SYN2: variants seen among roughly 807,000 people sequenced by gnomAD.
SYN2 encodes the protein synapsin-2.
SYN2 carries 19 observed loss-of-function variants against 50.9 expected under a neutral mutation model. That is an observed-to-expected ratio of 0.37 (90% CI 0.26 to 0.55). SYN2 has a LOEUF of 0.55. SYN2 is among the 20% of genes least tolerant of loss of function. The pLI, the probability that SYN2 is intolerant of heterozygous loss-of-function variation, is 0.81. For synonymous variants in SYN2, 255 were observed against 224.9 expected, an observed-to-expected ratio of 1.13 and a Z score of -1.20; for missense variants, 587 against 576.4, an observed-to-expected ratio of 1.02 and a Z score of -0.19.
intron 1 of SYN2, among the ~76,000 whole-genome samples, chr3:12,088,030 C>G (rs1268768464): frequency 6.6e-6 from 1 of 151,970 alleles, no homozygotes; most frequent in Non-Finnish European, 1.5e-5. Context: ...GGACAGGACC[C>G]CAGAAGCGCA....
Position 12,092,398 on chromosome 3 carries a change from TG to T in SYN2, c.378-48252del, listed in dbSNP as rs550000957. On this transcript the variant is annotated intron_variant, in intron 1 of 12. Coordinates refer to ENST00000621198, the MANE Select transcript of SYN2 (RefSeq NM_133625.6). Reference sequence around the variant, plus strand: ...AGCTCATTCTAGTAGGGAATACAAATGAGAGCAATTAACCTCTCATCTGTGA... The same window carrying T: ...AGCTCATTCTAGTAGGGAATACAAATAGAGCAATTAACCTCTCATCTGTGA... Among the ~76,000 whole-genome samples, 19 of 152,242 alleles carry T rather than the reference TG, an allele frequency of 1.2e-4. No homozygotes were observed. The South Asian group carries it at 3.1e-3, about 25-fold the overall frequency.
rs1698435911 is a variant in SYN2 at position 12,191,072 on chromosome 3, T to C, written c.*447T>C. 2.0e-6 allele frequency: 2 copies of C among 986,926 alleles called. No homozygotes were observed. Among genetic ancestry groups the C allele is most frequent in the African/African-American group, 3.5e-5 (2 of 57,232 alleles). The allele number at this position is 986,926 out of a possible 1,614,324, so 61.1% of individuals were successfully genotyped here. Reference sequence around the variant, plus strand: ...AGTATATACTTCCCCAAAAGTACTCTTGGCCCTAAGTTTTAGGAACTTTCC... The same window carrying C: ...AGTATATACTTCCCCAAAAGTACTCCTGGCCCTAAGTTTTAGGAACTTTCC... On this transcript the variant is annotated 3_prime_UTR_variant, in exon 13 of 13. Coordinates refer to ENST00000621198, the MANE Select transcript of SYN2 (RefSeq NM_133625.6).
At chr3:12,024,225 C>T (rs1235730693) in intron 1 of SYN2, among the ~76,000 whole-genome samples, 1 of 134,334 alleles carries the variant, frequency 7.4e-6, no homozygotes, top group Non-Finnish European at 1.5e-5. Context: ...GGTGTGATCT[C>T]AGCTCACTGC....
At chr3:12,112,411 G>A (rs1168769304) in intron 1 of SYN2, among the ~76,000 whole-genome samples, 1 of 151,990 alleles carries the variant, frequency 6.6e-6, no homozygotes, top group East Asian at 1.9e-4. Flanking sequence ...CACTATTTGG[G>A]GTGCCTATCC....
intron 1 of SYN2, chr3:12,071,146 A>G (rs755132943): frequency 9.0e-6 from 5 of 556,446 alleles, no homozygotes; most frequent in Admixed American, 5.7e-5. Flanking sequence ...CAGCGGCACT[A>G]CCATGTACCC....
intron 5 of SYN2, chr3:12,154,560 G>T: frequency 8.0e-7 from 1 of 1,249,282 alleles, no homozygotes; most frequent in Non-Finnish European, 1.1e-6. Context: ...TGACTTTGGT[G>T]GCAGTGGTGG....
chr3:12,098,828 A>G (rs1696002686), intron 1 of SYN2, among the ~76,000 whole-genome samples: 1 of 145,818 alleles, frequency 6.9e-6, no homozygotes, highest in African/African-American at 2.5e-5. Context: ...TAAAGTCATT[A>G]AAGTCACAAA....
chr3:12,125,596 A>G (rs1696652207), intron 1 of SYN2, among the ~76,000 whole-genome samples: 1 of 152,156 alleles, frequency 6.6e-6, no homozygotes, highest in Non-Finnish European at 1.5e-5. Context: ...TAAGCAGAGC[A>G]TTTTCAAAGA....
chr3:12,123,099 C>A (rs1294408230), intron 1 of SYN2, among the ~76,000 whole-genome samples: 6 of 151,974 alleles, frequency 3.9e-5, no homozygotes, highest in Non-Finnish European at 8.8e-5. Context: ...AGTGAAGAGA[C>A]ATGGAGGATA....
chr3:12,091,017 A>G (rs1167768605), intron 1 of SYN2, among the ~76,000 whole-genome samples: 1 of 152,226 alleles, frequency 6.6e-6, no homozygotes, highest in African/African-American at 2.4e-5. Flanking sequence ...TTTTAGGGAA[A>G]TGGAAATTCA....
intron 1 of SYN2, among the ~76,000 whole-genome samples, chr3:12,025,683 C>T (rs1694243182): frequency 6.6e-6 from 1 of 151,820 alleles, no homozygotes; most frequent in Non-Finnish European, 1.5e-5. Flanking sequence ...GGGGGCTTTT[C>T]CTGATGACCC....
chr3:12,012,860 A>G (rs570247268), intron 1 of SYN2, among the ~76,000 whole-genome samples: 1 of 152,260 alleles, frequency 6.6e-6, no homozygotes, highest in East Asian at 1.9e-4. Flanking sequence ...ATTCTTGTAA[A>G]TAAAGTAACA....
intron 10 of SYN2, among the ~76,000 whole-genome samples, chr3:12,172,252 A>G (rs1461607020): frequency 6.6e-6 from 1 of 152,214 alleles, no homozygotes; most frequent in Non-Finnish European, 1.5e-5. Flanking sequence ...GATGATGTCT[A>G]GATCCCTTTC....
chr3:12,053,988 G>A (rs1044293007), intron 1 of SYN2, among the ~76,000 whole-genome samples: 1 of 152,086 alleles, frequency 6.6e-6, no homozygotes, highest in African/African-American at 2.4e-5. Context: ...CCTTTACTGG[G>A]AGGTGCAATC....
chr3:12,044,585 A>T (rs1024490719), intron 1 of SYN2, among the ~76,000 whole-genome samples: 2 of 152,188 alleles, frequency 1.3e-5, no homozygotes, highest in African/African-American at 4.8e-5. Flanking sequence ...CCCTGAAAAT[A>T]GGAGGAATCC....
In SYN2 at chr3:12,168,636, A is replaced by G. The variant is rs1054733348; in HGVS notation, c.1158+158A>G. On this transcript the variant is annotated intron_variant, in intron 9 of 12. Transcript: ENST00000621198. ...CTAACCTGCTAGGCTGACCCACGCC[A>G]TGGGTAAAAGATGTTGAATACGGGT... is the stretch of plus-strand genomic sequence containing the variant. Among the ~76,000 whole-genome samples the G allele has an allele frequency of 3.2e-4, 48 of 152,196 alleles. 2 individuals are homozygous for G. Among genetic ancestry groups the G allele is most frequent in the Admixed American group, 2.4e-3 (36 of 15,276 alleles).
rs767957667 is a variant in SYN2, at chr3:12,145,730, G to A, written c.579G>A (p.Ala193=). ...VLIRQHAFGM[A]ENEDFRHLII... Reference sequence around the variant, plus strand: ...TCCGGCAGCATGCATTTGGCATGGCGGAGAATGAGGACTTCCGCCACCTGA... The same window carrying A: ...TCCGGCAGCATGCATTTGGCATGGCAGAGAATGAGGACTTCCGCCACCTGA... Residue 193 remains alanine (A), a synonymous_variant, in exon 4 of 13, where the codon GCG becomes GCA. Coordinates refer to ENST00000621198, the MANE Select transcript of SYN2 (RefSeq NM_133625.6). The A allele has an allele frequency of 1.4e-5, 22 of 1,613,992 alleles. No homozygotes were observed. Among genetic ancestry groups the A allele is most frequent in the East Asian group, 2.2e-5 (1 of 44,876 alleles).
At chr3:12,008,087 T>G (rs544981404) in intron 1 of SYN2, among the ~76,000 whole-genome samples, 3 of 152,334 alleles carry the variant, frequency 2.0e-5, no homozygotes, top group African/African-American at 7.2e-5. Context: ...ACTTTAATGA[T>G]CGTGCTTAAA....
intron 1 of SYN2, among the ~76,000 whole-genome samples, chr3:12,009,360 G>A (rs1693870244): frequency 6.6e-6 from 1 of 151,672 alleles, no homozygotes; most frequent in African/African-American, 2.4e-5. Flanking sequence ...CTCTACCACA[G>A]TATCCCTCCA....
Sources: allele counts gnomAD v4.1 joint callset (sites outside exome capture counted in the v4.1 genomes callset), GRCh38; gene constraint gnomAD v4.1.1; transcripts MANE v1.5; gene names NCBI Gene and HGNC (gene_info 2026-07-23, HGNC 2026-07-21).